The following LCN9 variants were observed in gnomAD, a reference collection of about 807,000 sequenced individuals.
The protein encoded by LCN9 is epididymal-specific lipocalin-9.
LCN9 carries 22 observed loss-of-function variants against 18.5 expected under a neutral mutation model. The observed-to-expected ratio is 1.19, with a 90% CI of 0.85 to 1.70. LCN9 has a LOEUF of 1.70. LCN9 is among the 40% of genes most tolerant of loss of function. The pLI is 0.00. For synonymous variants in LCN9, 89 were observed against 83.0 expected, an observed-to-expected ratio of 1.07 and a Z score of -0.39; for missense variants, 202 against 201.3, an observed-to-expected ratio of 1.00 and a Z score of -0.02.
rs1047323930 is a variant in LCN9 at position 135,664,423 on chromosome 9, C to T, written c.233+125C>T. The T allele has an allele frequency of 8.3e-5, 107 of 1,282,884 alleles. No homozygotes were observed. The highest frequency in any genetic ancestry group is 2.1e-4 in the Middle Eastern group (1 of 4,652). The allele number at this position is 1,282,884 out of a possible 1,614,324, so 79.5% of individuals were successfully genotyped here. ...ACTTGCACTCTGGTGAGAGCCTGAG[C>T]CTGTGCGTGTGACCCTTGGGGGCAG... On this transcript the variant is annotated intron_variant, in intron 2 of 5. Coordinates refer to ENST00000619315, the Ensembl canonical transcript of LCN9. This position sits in a 1 kb window ranked among gnomAD's most constrained non-coding sequence, Gnocchi z 4.5.
At chr9:135,666,908 G>T (rs991634967) in exon 6 of LCN9, among the ~76,000 whole-genome samples, 2 of 151,968 alleles carry the variant, frequency 1.3e-5, no homozygotes, top group Admixed American at 1.3e-4. Flanking sequence ...GCTGAGGCAG[G>T]TGCCTGCGCC....
At chr9:135,666,595 C>A (rs957568245) in exon 6 of LCN9, among the ~76,000 whole-genome samples, 1 of 152,138 alleles carries the variant, frequency 6.6e-6, no homozygotes, top group African/African-American at 2.4e-5. Flanking sequence ...CCAGTAAAAA[C>A]CCCCAGGGCC....
exon 6 of LCN9, chr9:135,666,404 C>A (rs1374742856): frequency 1.4e-5 from 6 of 417,940 alleles, no homozygotes; most frequent in African/African-American, 8.1e-5. Flanking sequence ...TCGGGCCCAT[C>A]TTCATGCAGA....
Position 135,665,604 on chromosome 9 carries a change from C to T in LCN9, c.419-84C>T. 7.3e-7 allele frequency: 1 copy of T among 1,361,646 alleles called. No individual in the cohort carries two copies. The highest frequency in any genetic ancestry group is 1.0e-6 in the Non-Finnish European group (1 of 976,326). 84.3% of individuals were successfully genotyped at this position (1,361,646 alleles called of 1,614,324 possible). On this transcript the variant is annotated intron_variant, in intron 4 of 5. Transcript: ENST00000619315. The surrounding 1 kb of genome is among the most constrained non-coding windows in gnomAD (Gnocchi z 5.9). ...CTGCCCAGCCTCAGCACTTCCTGAG[C>T]ACCCCCAGCAAGGCCCAGCTTCACA... is the stretch of plus-strand genomic sequence containing the variant.
Position 135,665,212 on chromosome 9 carries a change from G to T in LCN9, c.308-33G>T. The T allele has an allele frequency of 6.9e-7, 1 of 1,445,376 alleles. No individual in the cohort carries two copies. The highest frequency in any genetic ancestry group is 9.5e-7 in the Non-Finnish European group (1 of 1,047,942). The allele number at this position is 1,445,376 out of a possible 1,614,324, so 89.5% of individuals were successfully genotyped here. On this transcript the variant is annotated intron_variant, in intron 3 of 5. Coordinates refer to ENST00000619315, the Ensembl canonical transcript of LCN9. The surrounding 1 kb of genome is among the most constrained non-coding windows in gnomAD (Gnocchi z 5.9). The stretch of plus-strand genomic sequence containing the variant: ...TGTCACAGGACCCTGAGGGTGGCGG[G>T]GCCAGGCCACGCTGAGCCATGTCTC...
exon 1 of LCN9, chr9:135,663,408 C>T (rs549756406): frequency 2.0e-5 from 32 of 1,613,680 alleles, no homozygotes; most frequent in Middle Eastern, 1.6e-4. Flanking sequence ...GGAACTACAA[C>T]GTGGCCAGGG....
rs1237438973 is a variant in LCN9, at chr9:135,665,507, T to G, written c.418+152T>G. ...CCTTCCCACAGACACACCGTTAGGG[T>G]GCTGGGTGCTTCAATCTGTCACCTC... On this transcript the variant is annotated intron_variant, in intron 4 of 5. Transcript: ENST00000619315. This position sits in a 1 kb window ranked among gnomAD's most constrained non-coding sequence, Gnocchi z 5.9. The G allele has an allele frequency of 7.4e-6, 6 of 813,286 alleles. No individual in the cohort carries two copies. Among genetic ancestry groups the G allele is most frequent in the Admixed American group, 2.2e-5 (1 of 46,226 alleles). 50.4% of individuals were successfully genotyped at this position (813,286 alleles called of 1,614,324 possible).
Position 135,664,097 on chromosome 9 carries a change from G to A in LCN9, c.97-65G>A. On this transcript the variant is annotated intron_variant, in intron 1 of 5. Coordinates refer to ENST00000619315, the Ensembl canonical transcript of LCN9. This position sits in a 1 kb window ranked among gnomAD's most constrained non-coding sequence, Gnocchi z 4.5. ...GGGCCGGGCCCTGGGAGGGAAGACT[G>A]TGGGCGCTAAGCATCCCCAGGGCTG... 2 of 1,579,594 alleles carry A rather than the reference G, an allele frequency of 1.3e-6. No individual in the cohort carries two copies. Among genetic ancestry groups the A allele is most frequent in the Non-Finnish European group, 1.7e-6 (2 of 1,159,662 alleles).
intron 1 of LCN9, 119 bp downstream of exon 1, chr9:135,663,536 T>G: frequency 2.0e-6 from 1 of 509,960 alleles, no homozygotes; most frequent in South Asian, 1.8e-5. Flanking sequence ...CCACCTCTCC[T>G]CCCCAAGCTG....
At chr9:135,663,501 C>T (rs1834154323) in intron 1 of LCN9, 84 bp downstream of exon 1, 3 of 1,270,488 alleles carry the variant, frequency 2.4e-6, no homozygotes, top group Non-Finnish European at 3.4e-6. Context: ...TGACCTGTGA[C>T]CAGGGCAACT....
chr9:135,666,754 G>C (rs897511788), exon 6 of LCN9, among the ~76,000 whole-genome samples: 5 of 152,076 alleles, frequency 3.3e-5, no homozygotes, highest in Admixed American at 3.3e-4. Flanking sequence ...ATGGCAACCG[G>C]CAACCAAGGC....
rs767428183 is a variant in LCN9, at chr9:135,665,224, C to T, written c.308-21C>T. On this transcript the variant is annotated intron_variant, in intron 3 of 5. Transcript: ENST00000619315. The surrounding 1 kb of genome is among the most constrained non-coding windows in gnomAD (Gnocchi z 5.9). ...CTGAGGGTGGCGGGGCCAGGCCACGCTGAGCCATGTCTCCACGCAGATGAG... is the reference window on the plus strand; with the variant it reads ...CTGAGGGTGGCGGGGCCAGGCCACGTTGAGCCATGTCTCCACGCAGATGAG... The T allele has an allele frequency of 1.3e-6, 2 of 1,531,532 alleles. No homozygotes were observed. Among genetic ancestry groups the T allele is most frequent in the Non-Finnish European group, 1.8e-6 (2 of 1,122,746 alleles). 94.9% of individuals were successfully genotyped at this position (1,531,532 alleles called of 1,614,324 possible).
In LCN9 at chr9:135,664,752, G is replaced by T. The variant is rs1834188084; in HGVS notation, c.264G>T (p.Val88=). ...AGGGGGAGTGTGTGGCTGTGGTCGT[G>T]GTCTGCGAGAAGACAGAGAAGAATG... The change falls in exon 3 of 6, where the codon GTG becomes GTT. Residue 88 remains valine, a synonymous_variant. Coordinates refer to ENST00000619315, the Ensembl canonical transcript of LCN9. The surrounding 1 kb of genome is among the most constrained non-coding windows in gnomAD (Gnocchi z 4.5). 1 of 1,598,740 alleles carries T rather than the reference G, an allele frequency of 6.3e-7. No individual in the cohort carries two copies. The highest frequency in any genetic ancestry group is 8.5e-7 in the Non-Finnish European group (1 of 1,173,066).
rs756870345 is a variant in LCN9 at position 135,664,230 on chromosome 9, C to A, written c.165C>A (p.Asp55Glu). 1.2e-6 allele frequency: 2 copies of A among 1,613,482 alleles called. No homozygotes were observed. Among genetic ancestry groups the A allele is most frequent in the South Asian group, 2.2e-5 (2 of 91,068 alleles). The change falls in exon 2 of 6, where the codon GAC becomes GAA. Residue 55 changes from aspartate to glutamate, a missense_variant. Coordinates refer to ENST00000619315, the Ensembl canonical transcript of LCN9. This position sits in a 1 kb window ranked among gnomAD's most constrained non-coding sequence, Gnocchi z 4.5. ...TGAATCGGATTAAAGAAAATGGAGA[C>A]CTGAGGGTCTTCGTCCGGAATATTG...
At position 135,663,524 on chromosome 9, in the gene LCN9, G is replaced by A. The variant is rs1171709652; in HGVS notation, c.96+107G>A. 7 of 694,574 alleles carry A rather than the reference G, an allele frequency of 1.0e-5. No homozygotes were observed. The Admixed American group carries it at 1.4e-4, about 14-fold the overall frequency. The allele number at this position is 694,574 out of a possible 1,614,324, so 43.0% of individuals were successfully genotyped here. ...GACCAGGGCAACTGGTCCAAGGGGAGCCCACCTCTCCTCCCCAAGCTGTGA... is the reference window on the plus strand; with the variant it reads ...GACCAGGGCAACTGGTCCAAGGGGAACCCACCTCTCCTCCCCAAGCTGTGA... On this transcript the variant is annotated intron_variant, in intron 1 of 5. Coordinates refer to ENST00000619315, the Ensembl canonical transcript of LCN9.
chr9:135,664,650 G>A lies in LCN9; in HGVS notation c.234-72G>A, dbSNP rs566297498. ...GAGGGTGAGCCTGTGCCCTGGAGGA[G>A]GGGTGCTCTCTGCCATCGCACGTCC... On this transcript the variant is annotated intron_variant, in intron 2 of 5. Coordinates refer to ENST00000619315, the Ensembl canonical transcript of LCN9. This position sits in a 1 kb window ranked among gnomAD's most constrained non-coding sequence, Gnocchi z 4.5. The A allele has an allele frequency of 2.0e-4, 268 of 1,338,258 alleles. 5 individuals are homozygous for A. In the South Asian group the frequency reaches 3.5e-3, roughly 18 times the overall value. The allele number at this position is 1,338,258 out of a possible 1,614,324, so 82.9% of individuals were successfully genotyped here.
Position 135,664,202 on chromosome 9 carries a change from A to G in LCN9, c.137A>G (p.Asp46Gly). 1 of 1,613,472 alleles carries G rather than the reference A, an allele frequency of 6.2e-7. No individual in the cohort carries two copies. Among genetic ancestry groups the G allele is most frequent in the Non-Finnish European group, 8.5e-7 (1 of 1,179,728 alleles). Reference sequence around the variant, plus strand: ...TATTCTATTTTCATGGCCTCAGATGACCTGAATCGGATTAAAGAAAATGGA... The same window carrying G: ...TATTCTATTTTCATGGCCTCAGATGGCCTGAATCGGATTAAAGAAAATGGA... Residue 46 changes from aspartate (D) to glycine (G), a missense_variant, in exon 2 of 6, where the codon GAC becomes GGC. Physicochemically the swap from Asp to Gly is moderately conservative, Grantham distance 94. Transcript: ENST00000619315. The surrounding 1 kb of genome is among the most constrained non-coding windows in gnomAD (Gnocchi z 4.5).
chr9:135,664,266 G>C lies in LCN9; in HGVS notation c.201G>C (p.Lys67Asn), dbSNP rs748480565. 2.5e-6 allele frequency: 4 copies of C among 1,613,748 alleles called. No individual in the cohort carries two copies. In the African/African-American group the frequency reaches 5.3e-5, roughly 22 times the overall value. ...TCGTCCGGAATATTGAACACTTGAA[G>C]AACGGCAGCCTAATATTTGATTTCG... The change falls in exon 2 of 6, where the codon AAG becomes AAC. Residue 67 changes from lysine (K) to asparagine (N), a missense_variant. By Grantham distance (94) the Lys-to-Asn change is moderately conservative (BLOSUM62 0). Transcript: ENST00000619315. The surrounding 1 kb of genome is among the most constrained non-coding windows in gnomAD (Gnocchi z 4.5).
chr9:135,663,360 C>T (rs373782751), exon 1 of LCN9: 53 of 1,613,930 alleles, frequency 3.3e-5, no homozygotes, highest in South Asian at 6.6e-5. Context: ...TGAGCCTCAT[C>T]GCAGCCCAGG....
Sources: gnomAD v4.1 joint callset for allele counts (sites outside exome capture counted in the v4.1 genomes callset) on GRCh38, gnomAD v4.1.1 for gene constraint, Gnocchi (gnomAD v3.1) non-coding constraint, MANE v1.5 for transcripts, NCBI Gene and HGNC (gene_info 2026-07-23, HGNC 2026-07-21) for gene names.